The following PSMB2 variants were observed in gnomAD, a reference collection of about 807,000 sequenced individuals.
PSMB2 encodes the protein proteasome 20S subunit beta 2.
In PSMB2, 13 loss-of-function variants were observed where a neutral mutation model predicts 25.7. The observed-to-expected ratio is 0.51, with a 90% confidence interval of 0.33 to 0.80. The LOEUF (loss-of-function observed/expected upper bound fraction) is 0.80, where lower values mean the gene tolerates loss of function less well. Among genes scored for constraint, PSMB2 ranks in the 30% least tolerant of loss-of-function variants. The probability of loss-of-function intolerance (pLI) is 0.02; values close to 1 mark genes in which losing one functional copy is unlikely to be tolerated. For synonymous variants in PSMB2, 87 were observed against 96.2 expected (o/e 0.90, Z 0.56); for missense variants, 202 against 259.0 (o/e 0.78, Z 1.51).
intron 3 of PSMB2, among the ~76,000 whole-genome samples, chr1:35,628,035 C>T (rs1340283101): frequency 1.3e-5 from 2 of 152,142 alleles, no homozygotes; most frequent in African/African-American, 4.8e-5. Context: ...TATAAATATA[C>T]TAAATTTGGT....
rs139144268 is a variant in PSMB2 at position 35,613,524 on chromosome 1, A to G, written c.286-4116T>C. Among the ~76,000 whole-genome samples the G allele has an allele frequency of 4.8e-3, 732 of 152,344 alleles. 9 individuals carry two copies. Among genetic ancestry groups the G allele is most frequent in the African/African-American group, 0.016 (676 of 41,578 alleles). On this transcript the variant is annotated intron_variant, in intron 3 of 5. Transcript: ENST00000373237. ...GTAAGACCCTATTTCTACCAAATAA[A>G]AAGAAAAGTCACTAAACAAATGTGA...
At chr1:35,621,287 T>C (rs1650673014) in intron 3 of PSMB2, among the ~76,000 whole-genome samples, 1 of 152,192 alleles carries the variant, frequency 6.6e-6, no homozygotes, top group South Asian at 2.1e-4. Flanking sequence ...ATGGCTATCT[T>C]AGCACTTGTC....
intron 4 of PSMB2, among the ~76,000 whole-genome samples, chr1:35,608,465 A>C (rs1275379361): frequency 6.6e-6 from 1 of 152,198 alleles, no homozygotes; most frequent in African/African-American, 2.4e-5. Flanking sequence ...TATAGTTTCA[A>C]ATAGCTAGAA....
At chr1:35,637,576 T>TC (rs550560919) in intron 1 of PSMB2, among the ~76,000 whole-genome samples, 40 of 152,286 alleles carry the variant, frequency 2.6e-4, no homozygotes, top group African/African-American at 9.1e-4. Flanking sequence ...TGAATAATCC[T>TC]CCCTGGGAGA....
At chr1:35,610,684 C>T (rs1374715780) in intron 3 of PSMB2, among the ~76,000 whole-genome samples, 5 of 152,040 alleles carry the variant, frequency 3.3e-5, no homozygotes, top group Non-Finnish European at 7.4e-5. Flanking sequence ...TTAGTAGAGA[C>T]AGGGCTTCAT....
intron 3 of PSMB2, among the ~76,000 whole-genome samples, chr1:35,628,417 G>A (rs372726608): frequency 1.4e-4 from 21 of 150,668 alleles, no homozygotes; most frequent in South Asian, 2.1e-4. Context: ...TTCTTACTCC[G>A]GTTCTGCCTG....
intron 3 of PSMB2, among the ~76,000 whole-genome samples, chr1:35,629,452 A>T (rs1007315001): frequency 6.6e-6 from 1 of 152,240 alleles, no homozygotes; most frequent in African/African-American, 2.4e-5. Context: ...AATAGCAACA[A>T]GGCTAGAATA....
At position 35,603,127 on chromosome 1, in the gene PSMB2, G is replaced by A. The variant is rs1020015104; in HGVS notation, c.*140C>T. ...GTAATATTAGGTAAACTGAGACCTG[G>A]ACCAGAGGGCTCAATTATATCCATA... On this transcript the variant is annotated 3_prime_UTR_variant, in exon 6 of 6. Transcript: ENST00000373237. 1.4e-6 allele frequency: 2 copies of A among 1,433,490 alleles called. No individual in the cohort carries two copies. The highest frequency in any genetic ancestry group is 2.9e-5 in the African/African-American group (2 of 69,300). 88.8% of individuals were successfully genotyped at this position (1,433,490 alleles called of 1,614,324 possible). A position where few individuals can be genotyped will look rare whatever the true frequency, so the allele number is the denominator to read the frequency against.
rs1650011645 is a variant in PSMB2 at position 35,601,867 on chromosome 1, T to C, written c.*1400A>G. ...TAGCTTTAACCACAAAACATCCACA[T>C]TGTTCCCTAAAGTTATGCTAAGAGT... is the stretch of plus-strand genomic sequence containing the variant. On this transcript the variant is annotated 3_prime_UTR_variant, in exon 6 of 6. Transcript: ENST00000373237. The C allele has an allele frequency of 4.1e-6, 4 of 985,466 alleles. No individual in the cohort carries two copies. The highest frequency in any genetic ancestry group is 4.8e-6 in the Non-Finnish European group (4 of 829,936). The allele number at this position is 985,466 out of a possible 1,614,324, so 61.0% of individuals were successfully genotyped here. A position where few individuals can be genotyped will look rare whatever the true frequency, so the allele number is the denominator to read the frequency against.
chr1:35,629,896 C>T (rs373548480), intron 3 of PSMB2, among the ~76,000 whole-genome samples: 100 of 152,178 alleles, frequency 6.6e-4, no homozygotes, highest in East Asian at 4.5e-3. Flanking sequence ...CGGCCAGGTG[C>T]GGTGGCTCGC....
Position 35,600,297 on chromosome 1 carries a change from A to C in PSMB2, c.*2970T>G. 4 of 964,986 alleles carry C rather than the reference A, an allele frequency of 4.1e-6. No homozygotes were observed. The highest frequency in any genetic ancestry group is 4.9e-6 in the Non-Finnish European group (4 of 811,344). The allele number at this position is 964,986 out of a possible 1,614,324, so 59.8% of individuals were successfully genotyped here. On this transcript the variant is annotated 3_prime_UTR_variant, in exon 6 of 6. Transcript: ENST00000373237. ...TGTATCTTGGATTATATCCTAGAACAGAAGAAAATTAGTGGAAAAACTGGT... is the reference window on the plus strand; with the variant it reads ...TGTATCTTGGATTATATCCTAGAACCGAAGAAAATTAGTGGAAAAACTGGT...
At chr1:35,628,623 ATATATATATTT>A (rs1381453788) in intron 3 of PSMB2, among the ~76,000 whole-genome samples, 3 of 46,464 alleles carry the variant, frequency 6.5e-5, no homozygotes, top group Admixed American at 4.0e-4. Context: ...ATATATATAT[ATATATATATTT>A]TTTTTTTTTT....
At chr1:35,623,349 C>G (rs1216713441) in intron 3 of PSMB2, among the ~76,000 whole-genome samples, 2 of 152,210 alleles carry the variant, frequency 1.3e-5, no homozygotes, top group African/African-American at 4.8e-5. Flanking sequence ...TGACAATCCA[C>G]AGTTAGCTCA....
In PSMB2 at chr1:35,641,438, C is replaced by T. The variant is rs766071331; in HGVS notation, c.-6G>A. 1.9e-6 allele frequency: 3 copies of T among 1,613,932 alleles called. No homozygotes were observed. Among genetic ancestry groups the T allele is most frequent in the East Asian group, 2.2e-5 (1 of 44,886 alleles). On this transcript the variant is annotated 5_prime_UTR_variant, in exon 1 of 6. Transcript: ENST00000373237. Reference sequence around the variant, plus strand: ...ATACCGATGAGGTACTCCATGGTGGCGGAAGGCCAGGGGCTGCAGGTCCGA... The same window carrying T: ...ATACCGATGAGGTACTCCATGGTGGTGGAAGGCCAGGGGCTGCAGGTCCGA...
At chr1:35,629,337 C>T (rs941461287) in intron 3 of PSMB2, among the ~76,000 whole-genome samples, 1 of 152,152 alleles carries the variant, frequency 6.6e-6, no homozygotes, top group Non-Finnish European at 1.5e-5. Context: ...CTTTAGCAAC[C>T]ATATGAACTT....
intron 2 of PSMB2, among the ~76,000 whole-genome samples, chr1:35,635,382 C>T (rs1483919206): frequency 6.6e-6 from 1 of 151,732 alleles, no homozygotes; most frequent in East Asian, 1.9e-4. Context: ...GCTGGGATTA[C>T]AGGCATGAGC....
intron 3 of PSMB2, among the ~76,000 whole-genome samples, chr1:35,610,829 T>G (rs1650307915): frequency 1.3e-5 from 2 of 152,198 alleles, no homozygotes; most frequent in African/African-American, 4.8e-5. Context: ...TCACCAGACT[T>G]AACTGAAAAG....
At chr1:35,608,055 G>A (rs1650219960) in intron 4 of PSMB2, among the ~76,000 whole-genome samples, 1 of 152,122 alleles carries the variant, frequency 6.6e-6, no homozygotes, top group South Asian at 2.1e-4. Context: ...GTAAGGGATG[G>A]GGGACATTTG....
intron 1 of PSMB2, among the ~76,000 whole-genome samples, chr1:35,638,406 C>G (rs1339584609): frequency 1.3e-5 from 2 of 152,156 alleles, no homozygotes; most frequent in African/African-American, 2.4e-5. Context: ...GAACTAGAAT[C>G]CAAGAGACCT....
Sources: allele counts gnomAD v4.1 joint callset (sites outside exome capture counted in the v4.1 genomes callset), GRCh38; gene constraint gnomAD v4.1.1; transcripts MANE v1.5; gene names NCBI Gene and HGNC (gene_info 2026-07-23, HGNC 2026-07-21).